Variants in HDAC9 observed in about 807,000 individuals in gnomAD.
HDAC9 encodes the protein MEF-2 interacting transcription repressor (MITR) protein.
HDAC9 carries 41 observed loss-of-function variants against 139.4 expected under a neutral mutation model. The ratio of observed to expected loss-of-function variants is 0.29; its 90% CI spans 0.23 to 0.38. The LOEUF (loss-of-function observed/expected upper bound fraction) is 0.38, where lower values mean the gene tolerates loss of function less well. Among genes scored for constraint, HDAC9 ranks in the 10% least tolerant of loss-of-function variants. HDAC9 has a pLI of 1.00. For synonymous variants in HDAC9, 517 were observed against 476.2 expected (o/e 1.09, Z -1.12); for missense variants, 1,147 against 1,297.0 (o/e 0.88, Z 1.78).
chr7:18,915,317 A>G (rs1240050412), intron 22 of HDAC9, among the ~76,000 whole-genome samples: 1 of 151,850 alleles, frequency 6.6e-6, no homozygotes, highest in Non-Finnish European at 1.5e-5. Flanking sequence ...TAAGAGCTAA[A>G]CCCTATATTG....
chr7:18,417,743 T>C (rs1402139112), intron 1 of HDAC9, among the ~76,000 whole-genome samples: 1 of 152,216 alleles, frequency 6.6e-6, no homozygotes, highest in Non-Finnish European at 1.5e-5. Flanking sequence ...TCCTGGCCTG[T>C]GTGAGTGCTG....
intron 5 of HDAC9, among the ~76,000 whole-genome samples, 162 bp from the exon 6 acceptor site, chr7:18,593,746 G>T (rs1223174127): frequency 1.3e-5 from 2 of 152,098 alleles, no homozygotes; most frequent in African/African-American, 4.8e-5. Flanking sequence ...ATAGCATACT[G>T]CTACAGTGAA....
upstream of HDAC9, among the ~76,000 whole-genome samples, chr7:18,289,495 A>G (rs1205467975): frequency 6.6e-6 from 1 of 152,210 alleles, no homozygotes; most frequent in Admixed American, 6.5e-5. Flanking sequence ...TATTTTAAAA[A>G]TTAGAATTTC....
At chr7:18,315,147 C>T (rs565295379) in intron 1 of HDAC9, among the ~76,000 whole-genome samples, 2 of 152,298 alleles carry the variant, frequency 1.3e-5, no homozygotes, top group East Asian at 3.9e-4. Context: ...TTTTATAAGA[C>T]TAATGATGAC....
rs139505118 is a variant in HDAC9 at position 18,344,571 on chromosome 7, A to G, written c.-42+54056A>G. On this transcript the variant is annotated intron_variant, in intron 1 of 3. Coordinates refer to the HDAC9 transcript ENST00000413509. ...GTAAATCAAATTAATCTACCATTCTATTGGTCTTAAAATCATTTTTCTTTG... is the reference window on the plus strand; with the variant it reads ...GTAAATCAAATTAATCTACCATTCTGTTGGTCTTAAAATCATTTTTCTTTG... Among the ~76,000 whole-genome samples the G allele has an allele frequency of 4.0e-3, 614 of 152,098 alleles. 4 individuals are homozygous for G. The highest frequency in any genetic ancestry group is 0.014 in the African/African-American group (572 of 41,538).
chr7:18,553,808 TG>T lies in HDAC9; in HGVS notation c.23-31472del, dbSNP rs536594292. 1.2e-4 allele frequency among the ~76,000 whole-genome samples: 18 copies of T among 152,322 alleles called. 1 individual carries two copies. In the East Asian group the frequency reaches 3.5e-3, roughly 29 times the overall value. On this transcript the variant is annotated intron_variant, in intron 2 of 25. Coordinates refer to ENST00000686413, the MANE Select transcript of HDAC9 (RefSeq NM_178425.4). ...CCTACAGCCCCTTATGTTCTGGTAATGCCCCTGATGGTGATGCATAGTAAAT... is the reference window on the plus strand; with the variant it reads ...CCTACAGCCCCTTATGTTCTGGTAATCCCCTGATGGTGATGCATAGTAAAT...
chr7:18,553,504 A>G lies in HDAC9; in HGVS notation c.23-31777A>G, dbSNP rs534837447. Among the ~76,000 whole-genome samples the G allele has an allele frequency of 2.6e-5, 4 of 152,356 alleles. No homozygotes were observed. The East Asian group carries it at 7.7e-4, about 29-fold the overall frequency. On this transcript the variant is annotated intron_variant, in intron 2 of 25. Transcript: ENST00000686413. ...TTCAAAAAGTCTAATCAAACAATTAAGAACAAACAGTACTTGTGTGAACTT... is the reference window on the plus strand; with the variant it reads ...TTCAAAAAGTCTAATCAAACAATTAGGAACAAACAGTACTTGTGTGAACTT...
intron 2 of HDAC9, among the ~76,000 whole-genome samples, chr7:18,512,884 T>A (rs1224937913): frequency 3.9e-5 from 6 of 152,186 alleles, no homozygotes; most frequent in Admixed American, 3.9e-4. Context: ...GAAGCCTAGA[T>A]GTCAAGTCAT....
chr7:18,183,071 G>A (rs985384891), intron 2 of HDAC9, among the ~76,000 whole-genome samples: 6 of 151,068 alleles, frequency 4.0e-5, no homozygotes, highest in African/African-American at 1.2e-4. Flanking sequence ...GTGCAGTGGC[G>A]CAATCTCGGC....
intron 6 of HDAC9, among the ~76,000 whole-genome samples, chr7:18,604,406 G>A (rs1834839210): frequency 6.6e-6 from 1 of 150,982 alleles, no homozygotes; most frequent in African/African-American, 2.4e-5. Flanking sequence ...AGCACATTTG[G>A]ACCTTTTTTT....
intron 1 of HDAC9, among the ~76,000 whole-genome samples, chr7:18,472,763 A>G (rs1037832738): frequency 6.6e-6 from 1 of 152,032 alleles, no homozygotes; most frequent in African/African-American, 2.4e-5. Flanking sequence ...ACCCTGTTTT[A>G]TTTTAATGTT....
chr7:18,880,798 T>TA (rs930966973), intron 22 of HDAC9, among the ~76,000 whole-genome samples: 22 of 115,610 alleles, frequency 1.9e-4, no homozygotes, highest in East Asian at 2.6e-4. Flanking sequence ...ATGTAAAAGT[T>TA]AAAAAAAAAA....
At chr7:18,886,100 G>T (rs1021871591) in intron 22 of HDAC9, among the ~76,000 whole-genome samples, 2 of 152,170 alleles carry the variant, frequency 1.3e-5, no homozygotes, top group Non-Finnish European at 2.9e-5. Context: ...ATTTGAGAAT[G>T]ATTTTATTTT....
intron 22 of HDAC9, among the ~76,000 whole-genome samples, chr7:18,905,804 T>C (rs1316731605): frequency 1.3e-5 from 2 of 152,196 alleles, no homozygotes; most frequent in Non-Finnish European, 2.9e-5. Context: ...GCACTCCTTC[T>C]TCCTTCTCCC....
chr7:18,728,380 GC>G (rs1037202200), intron 13 of HDAC9, among the ~76,000 whole-genome samples: 4 of 147,998 alleles, frequency 2.7e-5, no homozygotes, highest in African/African-American at 1.0e-4. Flanking sequence ...TAATTCCAAG[GC>G]CAAAGGAAGG....
intron 1 of HDAC9, among the ~76,000 whole-genome samples, chr7:18,450,093 A>C (rs1326051420): frequency 3.9e-5 from 6 of 152,216 alleles, no homozygotes; most frequent in African/African-American, 9.6e-5. Context: ...TTATGGGAGA[A>C]GTAAGTGGAC....
chr7:18,722,543 A>C (rs1384751824), intron 12 of HDAC9, among the ~76,000 whole-genome samples: 1 of 152,188 alleles, frequency 6.6e-6, no homozygotes, highest in Non-Finnish European at 1.5e-5. Flanking sequence ...AAACTGGCTT[A>C]GTGAAACACT....
intron 1 of HDAC9, among the ~76,000 whole-genome samples, chr7:18,390,047 AACACACACACACACACAC>A (rs60514746): frequency 2.2e-4 from 29 of 130,496 alleles, no homozygotes; most frequent in Middle Eastern, 4.0e-3. Context: ...AGAGAAAGAC[AACACACACACACACACAC>A]ACACACACAC....
intron 12 of HDAC9, among the ~76,000 whole-genome samples, chr7:18,685,613 C>G (rs1212307205): frequency 6.6e-6 from 1 of 151,826 alleles, no homozygotes; most frequent in East Asian, 1.9e-4. Flanking sequence ...CTTTAAAATT[C>G]TAACTAGTAG....
Sources: allele counts gnomAD v4.1 joint callset (sites outside exome capture counted in the v4.1 genomes callset), GRCh38; gene constraint gnomAD v4.1.1; transcripts MANE v1.5; gene names NCBI Gene and HGNC (gene_info 2026-07-23, HGNC 2026-07-21).